Variants in SIL1 observed in about 807,000 individuals in gnomAD.
SIL1 encodes the protein nucleotide exchange factor SIL1.
Under a neutral mutation model 49.1 loss-of-function variants are expected in SIL1, and 40 were observed. That is an observed-to-expected ratio of 0.81 (90% CI 0.63 to 1.06). The LOEUF is 1.06. Ranked by LOEUF, SIL1 falls within the 50% of genes least tolerant of loss-of-function variation. The probability of loss-of-function intolerance (pLI) is 0.00; values close to 1 mark genes in which losing one functional copy is unlikely to be tolerated. For synonymous variants in SIL1, 253 were observed against 250.8 expected (o/e 1.01, Z -0.08); for missense variants, 500 against 572.6 (o/e 0.87, Z 1.29).
At chr5:139,072,946 T>C (rs1257266701) in intron 3 of SIL1, among the ~76,000 whole-genome samples, 3 of 151,990 alleles carry the variant, frequency 2.0e-5, no homozygotes, top group African/African-American at 7.3e-5. Flanking sequence ...CCAACAGGTA[T>C]ATAAAAAAAA....
At chr5:139,148,417 C>A (rs1751232944) in intron 1 of SIL1, among the ~76,000 whole-genome samples, 1 of 152,160 alleles carries the variant, frequency 6.6e-6, no homozygotes, top group African/African-American at 2.4e-5. Context: ...ACCAGTGGGA[C>A]CCCAGGAAGT....
intron 4 of SIL1, among the ~76,000 whole-genome samples, chr5:139,043,128 G>A (rs1438500858): frequency 6.6e-6 from 1 of 152,210 alleles, no homozygotes; most frequent in Non-Finnish European, 1.5e-5. Context: ...TCAGCCAAGG[G>A]TCTAACAGAG....
intron 7 of SIL1, among the ~76,000 whole-genome samples, chr5:138,976,662 G>A (rs1767400368): frequency 6.6e-6 from 1 of 151,986 alleles, no homozygotes; most frequent in Admixed American, 6.5e-5. Context: ...GCACATAGTA[G>A]GGACTCAATA....
chr5:139,071,309 G>A (rs1769829919), intron 3 of SIL1, among the ~76,000 whole-genome samples: 1 of 152,064 alleles, frequency 6.6e-6, no homozygotes, highest in Non-Finnish European at 1.5e-5. Context: ...TATAGTCTTG[G>A]GTGCAAAACT....
intron 7 of SIL1, among the ~76,000 whole-genome samples, chr5:138,982,333 T>C (rs550268855): frequency 1.2e-4 from 19 of 152,324 alleles, no homozygotes; most frequent in African/African-American, 4.3e-4. Flanking sequence ...CACCTCAAGA[T>C]AAATCCTCCC....
intron 7 of SIL1, among the ~76,000 whole-genome samples, chr5:138,995,068 C>T (rs1387378163): frequency 6.6e-6 from 1 of 152,090 alleles, no homozygotes; most frequent in Non-Finnish European, 1.5e-5. Context: ...GCATATGTAC[C>T]ACATTTTCTT....
At chr5:139,162,263 A>C (rs924679865) in intron 1 of SIL1, among the ~76,000 whole-genome samples, 1 of 152,232 alleles carries the variant, frequency 6.6e-6, no homozygotes. Flanking sequence ...GGCCATTGTC[A>C]ATTCCTGTCT....
At chr5:139,000,523 A>G (rs1328167751) in intron 7 of SIL1, among the ~76,000 whole-genome samples, 5 of 152,208 alleles carry the variant, frequency 3.3e-5, no homozygotes, top group South Asian at 4.1e-4. Context: ...TCTTTAGTAC[A>G]TAATGCCAGA....
intron 1 of SIL1, among the ~76,000 whole-genome samples, chr5:139,172,606 C>T (rs944059377): frequency 4.3e-5 from 6 of 140,734 alleles, no homozygotes; most frequent in Admixed American, 2.2e-4. Context: ...GCACTCCGGC[C>T]GGGGAATAGC....
intron 3 of SIL1, among the ~76,000 whole-genome samples, chr5:139,102,720 T>G (rs562782607): frequency 6.6e-6 from 1 of 151,534 alleles, no homozygotes; most frequent in South Asian, 2.1e-4. Flanking sequence ...TTTTTTTTTT[T>G]TTTGTTTTTT....
intron 4 of SIL1, among the ~76,000 whole-genome samples, chr5:139,050,449 A>G (rs567737159): frequency 1.3e-5 from 2 of 152,364 alleles, no homozygotes; most frequent in Admixed American, 1.3e-4. Context: ...TAGCCAGTGG[A>G]GAATGGCAGT....
intron 3 of SIL1, among the ~76,000 whole-genome samples, chr5:139,057,324 A>AAAAAAG (rs1554129862): frequency 6.8e-6 from 1 of 147,232 alleles, no homozygotes; most frequent in Admixed American, 6.7e-5. Flanking sequence ...TAAAAAAAAA[A>AAAAAAG]AAAAGAAAAG....
intron 3 of SIL1, among the ~76,000 whole-genome samples, chr5:139,053,694 G>C (rs1362053903): frequency 6.6e-6 from 1 of 151,964 alleles, no homozygotes; most frequent in African/African-American, 2.4e-5. Flanking sequence ...TCCTACCAGG[G>C]GGCCATTCCA....
In SIL1 at chr5:139,074,170, C is replaced by T. The variant is rs139517672; in HGVS notation, c.245-23124G>A. On this transcript the variant is annotated intron_variant, in intron 3 of 9. Coordinates refer to ENST00000394817, the MANE Select transcript of SIL1 (RefSeq NM_022464.5). ...CTCTTGGACTCAAGAGATCCTCGCA[C>T]CCCAGCCTCCGGAGTAGCTGGGACT... is the stretch of plus-strand genomic sequence containing the variant. Among the ~76,000 whole-genome samples, 104 of 152,294 alleles carry T rather than the reference C, an allele frequency of 6.8e-4. No homozygotes were observed. In the East Asian group the frequency reaches 0.017, roughly 25 times the overall value.
chr5:138,952,152 G>C (rs2150378271), intron 7 of SIL1, among the ~76,000 whole-genome samples: 1 of 152,366 alleles, frequency 6.6e-6, no homozygotes, highest in East Asian at 1.9e-4. Flanking sequence ...GGGCTGGGAA[G>C]GTGAACAACC....
chr5:139,156,750 G>A (rs1349896088), intron 1 of SIL1, among the ~76,000 whole-genome samples: 1 of 152,196 alleles, frequency 6.6e-6, no homozygotes, highest in African/African-American at 2.4e-5. Flanking sequence ...AACAGATTTT[G>A]CCCTACAAGG....
At chr5:138,949,461 G>A (rs532470874) in intron 9 of SIL1, among the ~76,000 whole-genome samples, 1 of 152,312 alleles carries the variant, frequency 6.6e-6, no homozygotes, top group African/African-American at 2.4e-5. Flanking sequence ...GACAGCTCAT[G>A]TCCCTCCACC....
At chr5:139,064,667 C>G (rs1279896156) in intron 3 of SIL1, among the ~76,000 whole-genome samples, 1 of 152,178 alleles carries the variant, frequency 6.6e-6, no homozygotes, top group Non-Finnish European at 1.5e-5. Context: ...GCTTTCTTCA[C>G]TTGTATTGCT....
At chr5:138,979,480 C>A (rs1372696895) in intron 7 of SIL1, among the ~76,000 whole-genome samples, 1 of 152,116 alleles carries the variant, frequency 6.6e-6, no homozygotes, top group Admixed American at 6.5e-5. Flanking sequence ...AAATGCCTGG[C>A]ACATAATAGG....
Sources: gnomAD v4.1 joint callset for allele counts (sites outside exome capture counted in the v4.1 genomes callset) on GRCh38, gnomAD v4.1.1 for gene constraint, MANE v1.5 for transcripts, NCBI Gene and HGNC (gene_info 2026-07-23, HGNC 2026-07-21) for gene names.